STK32B: variants seen among roughly 807,000 people sequenced by gnomAD.
STK32B encodes the protein serine/threonine kinase 32B, also known as serine/threonine-protein kinase 32B.
STK32B carries 43 observed loss-of-function variants against 52.6 expected under a neutral mutation model. The observed-to-expected ratio is 0.82, with a 90% CI of 0.64 to 1.05. STK32B has a LOEUF of 1.05. Ranked by LOEUF, STK32B falls within the 50% of genes least tolerant of loss-of-function variation. STK32B has a pLI of 0.00. For missense variants in STK32B, 621 were observed against 534.6 expected (o/e 1.16, Z -1.59); for synonymous variants, 238 against 204.3 (o/e 1.17, Z -1.41).
At chr4:5,327,994 C>CT (rs1263498666) in intron 3 of STK32B, among the ~76,000 whole-genome samples, 7 of 152,328 alleles carry the variant, frequency 4.6e-5, no homozygotes, top group East Asian at 3.9e-4. Flanking sequence ...GCTGCTTCAC[C>CT]TTGTGCTTTT....
At chr4:5,164,374 C>G (rs981552636) in intron 2 of STK32B, among the ~76,000 whole-genome samples, 3 of 152,168 alleles carry the variant, frequency 2.0e-5, no homozygotes, top group Non-Finnish European at 4.4e-5. Flanking sequence ...CCCTTCTCTT[C>G]TCTTCTAAGG....
chr4:5,364,127 T>C (rs897047278), intron 4 of STK32B, among the ~76,000 whole-genome samples: 1 of 152,190 alleles, frequency 6.6e-6, no homozygotes, highest in Non-Finnish European at 1.5e-5. Context: ...TCTTAATGCC[T>C]TAGCACTGTC....
At chr4:5,216,551 G>T (rs562315422) in intron 3 of STK32B, among the ~76,000 whole-genome samples, 1 of 152,192 alleles carries the variant, frequency 6.6e-6, no homozygotes, top group African/African-American at 2.4e-5. Context: ...GGAGGAGTTT[G>T]TACGACTGAA....
intron 6 of STK32B, among the ~76,000 whole-genome samples, chr4:5,434,501 G>A (rs901508693): frequency 4.6e-5 from 7 of 150,588 alleles, no homozygotes; most frequent in African/African-American, 1.7e-4. Context: ...TGTTTATAAA[G>A]ATGGCATAAT....
intron 1 of STK32B, among the ~76,000 whole-genome samples, chr4:5,060,000 C>G (rs962999642): frequency 1.3e-5 from 2 of 152,108 alleles, no homozygotes; most frequent in Non-Finnish European, 2.9e-5. Flanking sequence ...GAGTTTCGTT[C>G]TTGTTGCCCA....
chr4:5,170,152 C>T (rs192351513), intron 3 of STK32B, among the ~76,000 whole-genome samples: 292 of 152,242 alleles, frequency 1.9e-3, no homozygotes, highest in South Asian at 4.8e-3. Context: ...AATGTAAATA[C>T]TGCTGAGATG....
chr4:5,445,214 G>T (rs1476983765), intron 6 of STK32B, among the ~76,000 whole-genome samples: 1 of 152,146 alleles, frequency 6.6e-6, no homozygotes. Flanking sequence ...TCGCCAGGGG[G>T]CAGCTAGAAT....
chr4:5,350,661 T>G (rs1733766714), intron 4 of STK32B, among the ~76,000 whole-genome samples: 1 of 152,070 alleles, frequency 6.6e-6, no homozygotes, highest in African/African-American at 2.4e-5. Context: ...TGAATGTAAA[T>G]GGATTAAACT....
At chr4:5,353,452 G>A (rs150376200) in intron 4 of STK32B, among the ~76,000 whole-genome samples, 4 of 147,176 alleles carry the variant, frequency 2.7e-5, no homozygotes, top group African/African-American at 1.1e-4. Context: ...AATTAATACA[G>A]TGAAGAGGCA....
chr4:5,103,335 T>G lies in STK32B; in HGVS notation c.53-36570T>G, dbSNP rs1285980905. Among the ~76,000 whole-genome samples the G allele has an allele frequency of 1.3e-5, 2 of 152,146 alleles. 1 individual carries two copies. Among genetic ancestry groups the G allele is most frequent in the Non-Finnish European group, 2.9e-5 (2 of 68,038 alleles). ...CCAGAGCTTACCTTGAGCATTTCCA[T>G]GCAGGTTTTTATTCTTCTGCCTAAT... On this transcript the variant is annotated intron_variant, in intron 1 of 11. Transcript: ENST00000282908.
At chr4:5,210,075 G>A (rs1722814882) in intron 3 of STK32B, among the ~76,000 whole-genome samples, 1 of 152,166 alleles carries the variant, frequency 6.6e-6, no homozygotes, top group Non-Finnish European at 1.5e-5. Flanking sequence ...TTGGAAAGTT[G>A]AAATGTCAAA....
At chr4:5,289,803 A>G (rs1728778596) in intron 3 of STK32B, among the ~76,000 whole-genome samples, 1 of 144,494 alleles carries the variant, frequency 6.9e-6, no homozygotes, top group Non-Finnish European at 1.5e-5. Context: ...TCGGCCCCCC[A>G]AAGTGCTGGG....
At chr4:5,198,808 C>T (rs951021933) in intron 3 of STK32B, among the ~76,000 whole-genome samples, 2 of 152,078 alleles carry the variant, frequency 1.3e-5, no homozygotes, top group African/African-American at 2.4e-5. Flanking sequence ...CCTCATGTCA[C>T]ATTTCGGTGG....
chr4:5,360,848 A>G (rs1301243115), intron 4 of STK32B, among the ~76,000 whole-genome samples: 1 of 152,242 alleles, frequency 6.6e-6, no homozygotes, highest in Non-Finnish European at 1.5e-5. Flanking sequence ...AAGCTGTGGT[A>G]AAATACACAT....
intron 3 of STK32B, among the ~76,000 whole-genome samples, chr4:5,174,302 T>G (rs564544041): frequency 6.6e-6 from 1 of 152,180 alleles, no homozygotes. Flanking sequence ...CCCATTTACA[T>G]TTAAGGTTAA....
chr4:5,030,589 T>G, the STK32B span, among the ~76,000 whole-genome samples: 1 of 152,280 alleles, frequency 6.6e-6, no homozygotes, highest in South Asian at 2.1e-4. Flanking sequence ...ATAAAAACCT[T>G]ACAAGGTAGG....
intron 11 of STK32B, among the ~76,000 whole-genome samples, chr4:5,489,600 CA>C (rs1449883090): frequency 6.6e-6 from 1 of 151,708 alleles, no homozygotes; most frequent in Non-Finnish European, 1.5e-5. Flanking sequence ...TCATTAACAA[CA>C]ATTTTATTTT....
At chr4:5,250,089 A>G (rs542012307) in intron 3 of STK32B, among the ~76,000 whole-genome samples, 2 of 152,212 alleles carry the variant, frequency 1.3e-5, no homozygotes, top group South Asian at 4.2e-4. Flanking sequence ...ACATGATCTC[A>G]TTCAGTTTTA....
intron 1 of STK32B, among the ~76,000 whole-genome samples, chr4:5,123,782 T>C (rs1715199896): frequency 6.6e-6 from 1 of 152,082 alleles, no homozygotes; most frequent in African/African-American, 2.4e-5. Flanking sequence ...TCTGAGGTAC[T>C]GGGGGTTAGG....
Sources: allele counts gnomAD v4.1 joint callset (sites outside exome capture counted in the v4.1 genomes callset), GRCh38; gene constraint gnomAD v4.1.1; transcripts MANE v1.5; gene names NCBI Gene and HGNC (gene_info 2026-07-23, HGNC 2026-07-21).